FOXJ3: variants seen among roughly 807,000 people sequenced by gnomAD.
FOXJ3 encodes forkhead box J3.
A neutral mutation model predicts 76.1 loss-of-function variants in FOXJ3; 22 were observed. The observed-to-expected ratio is 0.29, with a 90% CI of 0.21 to 0.41. The LOEUF (loss-of-function observed/expected upper bound fraction) is 0.41, where lower values mean the gene tolerates loss of function less well. Ranked by LOEUF, FOXJ3 falls within the 10% of genes least tolerant of loss-of-function variation. The pLI, the probability that FOXJ3 is intolerant of heterozygous loss-of-function variation, is 1.00. For missense variants in FOXJ3, 613 were observed against 762.1 expected, an observed-to-expected ratio of 0.80 and a Z score of 2.30; for synonymous variants, 269 against 261.2, an observed-to-expected ratio of 1.03 and a Z score of -0.29.
upstream of FOXJ3, chr1:42,335,382 C>T (rs1249221674): frequency 1.3e-5 from 2 of 152,258 alleles, no homozygotes; most frequent in African/African-American, 4.8e-5. Context: ...ACAAGTAGTG[C>T]CCTGAGACTC....
At chr1:42,290,300 T>A (rs953287068) in intron 2 of FOXJ3, among the ~76,000 whole-genome samples, 1 of 152,128 alleles carries the variant, frequency 6.6e-6, no homozygotes, top group African/African-American at 2.4e-5. Flanking sequence ...GATCTCACCA[T>A]GAGTCAGCTG....
intron 5 of FOXJ3, among the ~76,000 whole-genome samples, chr1:42,209,147 A>G (rs962386575): frequency 4.6e-5 from 7 of 152,218 alleles, no homozygotes; most frequent in Non-Finnish European, 8.8e-5. Context: ...ACCAAATCCT[A>G]AAGACTTCAA....
chr1:42,192,595 G>A (rs994921034), intron 8 of FOXJ3, among the ~76,000 whole-genome samples: 7 of 152,174 alleles, frequency 4.6e-5, no homozygotes, highest in Non-Finnish European at 1.0e-4. Context: ...CCATGATGAT[G>A]ATTAAGCCAA....
chr1:42,253,955 T>G lies in FOXJ3; in HGVS notation c.444+11160A>C, dbSNP rs1402664115. Among the ~76,000 whole-genome samples the G allele has an allele frequency of 9.8e-4, 147 of 150,734 alleles. 1 individual carries two copies. Among genetic ancestry groups the G allele is most frequent in the African/African-American group, 3.5e-3 (145 of 41,128 alleles). ...AAGCAATGGCAACAAAAGCCAAAATTGACAAATGGGATCTAATTAAACTAA... is the reference window on the plus strand; with the variant it reads ...AAGCAATGGCAACAAAAGCCAAAATGGACAAATGGGATCTAATTAAACTAA... On this transcript the variant is annotated intron_variant, in intron 4 of 12. Transcript: ENST00000361346.
intron 4 of FOXJ3, among the ~76,000 whole-genome samples, chr1:42,242,298 T>C (rs910640600): frequency 6.6e-6 from 1 of 151,338 alleles, no homozygotes; most frequent in African/African-American, 2.4e-5. Context: ...AAAAGAAATT[T>C]GAAATAATAA....
intron 2 of FOXJ3, among the ~76,000 whole-genome samples, chr1:42,289,553 A>G (rs925229799): frequency 1.3e-5 from 2 of 152,186 alleles, no homozygotes; most frequent in East Asian, 3.8e-4. Flanking sequence ...ATATACAAAT[A>G]CAATTCAATT....
chr1:42,223,956 A>T (rs1647345261), intron 5 of FOXJ3, among the ~76,000 whole-genome samples: 1 of 152,222 alleles, frequency 6.6e-6, no homozygotes, highest in South Asian at 2.1e-4. Flanking sequence ...CTCACTTAAC[A>T]TCCATGTTCA....
intron 5 of FOXJ3, among the ~76,000 whole-genome samples, chr1:42,211,531 C>T (rs1460346497): frequency 1.3e-5 from 2 of 151,836 alleles, no homozygotes; most frequent in Non-Finnish European, 2.9e-5. Flanking sequence ...GGGAACTTTG[C>T]CCACCACTGG....
intron 2 of FOXJ3, among the ~76,000 whole-genome samples, chr1:42,301,396 T>G (rs1362503931): frequency 6.6e-6 from 1 of 152,074 alleles, no homozygotes; most frequent in Non-Finnish European, 1.5e-5. Context: ...AGATGGGGTT[T>G]TCACCATGTT....
At position 42,183,187 on chromosome 1, in the gene FOXJ3, C is replaced by T. The variant is rs556724557; in HGVS notation, c.1646-1163G>A. 5.3e-4 allele frequency among the ~76,000 whole-genome samples: 79 copies of T among 149,344 alleles called. 1 individual carries two copies. The South Asian group carries it at 0.016, about 29-fold the overall frequency. On this transcript the variant is annotated intron_variant, in intron 11 of 12. Coordinates refer to ENST00000361346, the MANE Select transcript of FOXJ3 (RefSeq NM_014947.5). ...GCTACTCAGACTTGAACCTGGGAGA[C>T]GGAGGTTGCAGTGAACCGAGATTGT...
intron 2 of FOXJ3, among the ~76,000 whole-genome samples, chr1:42,281,258 A>C (rs1464455553): frequency 6.6e-6 from 1 of 152,232 alleles, no homozygotes; most frequent in African/African-American, 2.4e-5. Context: ...CTTATAATCC[A>C]ATAAAGAAGT....
Position 42,284,010 on chromosome 1 carries a change from T to C in FOXJ3, c.45-5338A>G, listed in dbSNP as rs182625355. Among the ~76,000 whole-genome samples the C allele has an allele frequency of 3.3e-4, 50 of 152,276 alleles. 1 individual carries two copies. The highest frequency in any genetic ancestry group is 2.5e-3 in the South Asian group (12 of 4,830). On this transcript the variant is annotated intron_variant, in intron 2 of 12. Transcript: ENST00000361346. ...ACATGGAAGCCAGATACTGAGCATATGGAAACAGAGAAAAAGTCTGGGTCC... is the reference window on the plus strand; with the variant it reads ...ACATGGAAGCCAGATACTGAGCATACGGAAACAGAGAAAAAGTCTGGGTCC...
At chr1:42,295,829 G>T (rs1400819821) in intron 2 of FOXJ3, among the ~76,000 whole-genome samples, 1 of 152,020 alleles carries the variant, frequency 6.6e-6, no homozygotes, top group African/African-American at 2.4e-5. Context: ...ACCTGTCCAG[G>T]TGTCTTTTGT....
chr1:42,244,539 T>C (rs1219621513), intron 4 of FOXJ3, among the ~76,000 whole-genome samples: 1 of 150,730 alleles, frequency 6.6e-6, no homozygotes, highest in African/African-American at 2.5e-5. Flanking sequence ...GAAAACAGAA[T>C]AAAGGTCAGA....
rs9326121 is a variant in FOXJ3, at chr1:42,306,298, C to CTTTTTTT, written c.44+4745_44+4751dup. Among the ~76,000 whole-genome samples, 679 of 81,516 alleles carry CTTTTTTT rather than the reference C, an allele frequency of 8.3e-3. 22 individuals are homozygous for CTTTTTTT. Among genetic ancestry groups the CTTTTTTT allele is most frequent in the African/African-American group, 0.02 (438 of 22,254 alleles). 53.5% of individuals were successfully genotyped at this position (81,516 alleles called of 152,430 possible). ...CATCCATCACTCTCTGAACTTTTTTCTTTTTTTTTTTTTTTTTTTTTTTGG... is the reference window on the plus strand; with the variant it reads ...CATCCATCACTCTCTGAACTTTTTTCTTTTTTTTTTTTTTTTTTTTTTTTTTTTTTGG... On this transcript the variant is annotated intron_variant, in intron 2 of 12. Coordinates refer to ENST00000361346, the MANE Select transcript of FOXJ3 (RefSeq NM_014947.5).
rs1646488512 is a variant in FOXJ3, at chr1:42,188,875, C to G, written c.1507G>C (p.Val503Leu). Residue 503 changes from valine (V) to leucine (L), a missense_variant, in exon 11 of 13, where the codon GTT becomes CTT. By Grantham distance (32) the Val-to-Leu change is conservative (BLOSUM62 1). Around this residue, in one of 3 missense-constraint regions of FOXJ3, gnomAD observed 526 missense variants for 601.4 expected, o/e 0.87. Coordinates refer to ENST00000361346, the MANE Select transcript of FOXJ3 (RefSeq NM_014947.5). ...GAAGAACAAAGATCGGCAAACTGAA[C>G]CTGGTCTAAAGACCAGTTCTTGAGA... is the stretch of plus-strand genomic sequence containing the variant. Reference protein sequence around the residue: ...ADLKNWSLDQVQFADLCSSLN... With the variant: ...ADLKNWSLDQLQFADLCSSLN... 2 of 1,612,692 alleles carry G rather than the reference C, an allele frequency of 1.2e-6. No individual in the cohort carries two copies. Among genetic ancestry groups the G allele is most frequent in the Admixed American group, 1.7e-5 (1 of 59,880 alleles).
chr1:42,254,491 T>C (rs1236699763), intron 4 of FOXJ3, among the ~76,000 whole-genome samples: 1 of 144,164 alleles, frequency 6.9e-6, no homozygotes, highest in African/African-American at 2.6e-5. Context: ...CTATAAATCA[T>C]GCTGCTATAA....
rs1351535712 is a variant in FOXJ3 at position 42,181,903 on chromosome 1, T to A, written c.1753+14A>T. The A allele has an allele frequency of 3.9e-6, 6 of 1,534,278 alleles. No individual in the cohort carries two copies. The highest frequency in any genetic ancestry group is 1.1e-5 in the South Asian group (1 of 88,540). ...CACACACACACACACACTCACTCTC[T>A]CTCTCTCTCTTACCTGCCATCGTTG... On this transcript the variant is annotated intron_variant, in intron 12 of 12. Transcript: ENST00000361346.
At chr1:42,195,713 T>A (rs1646637922) in intron 7 of FOXJ3, among the ~76,000 whole-genome samples, 1 of 152,244 alleles carries the variant, frequency 6.6e-6, no homozygotes, top group Non-Finnish European at 1.5e-5. Context: ...AATTAAGGTA[T>A]GAACATTGAC....
Sources: allele counts gnomAD v4.1 joint callset (sites outside exome capture counted in the v4.1 genomes callset), GRCh38; gene constraint gnomAD v4.1.1; regional missense constraint gnomAD v4.1.1; transcripts MANE v1.5; gene names NCBI Gene and HGNC (gene_info 2026-07-23, HGNC 2026-07-21).